Variants in LTBP4 observed in about 807,000 individuals in gnomAD.
LTBP4 encodes the protein latent-transforming growth factor beta-binding protein 4.
LTBP4 carries 93 observed loss-of-function variants against 180.2 expected under a neutral mutation model. That is an observed-to-expected ratio of 0.52 (90% CI 0.44 to 0.61). The LOEUF is 0.61. Among genes scored for constraint, LTBP4 ranks in the 20% least tolerant of loss-of-function variants. The pLI, the probability that LTBP4 is intolerant of heterozygous loss-of-function variation, is 0.00. For missense variants in LTBP4, 2,116 were observed against 2,256.5 expected, an observed-to-expected ratio of 0.94 and a Z score of 1.26; for synonymous variants, 947 against 934.5, an observed-to-expected ratio of 1.01 and a Z score of -0.24.
Position 40,609,565 on chromosome 19 carries a change from G to A in LTBP4, c.1462G>A (p.Val488Ile). 2 of 1,613,464 alleles carry A rather than the reference G, an allele frequency of 1.2e-6. No individual in the cohort carries two copies. Among genetic ancestry groups the A allele is most frequent in the Non-Finnish European group, 1.7e-6 (2 of 1,179,830 alleles). ...SSGMCQRNPQ[V>I]CGPGRCISRP... ...CGGCATGTGTCAGCGCAACCCCCAGGTCTGCGGCCCAGGACGCTGCATTTC... is the reference window on the plus strand; with the variant it reads ...CGGCATGTGTCAGCGCAACCCCCAGATCTGCGGCCCAGGACGCTGCATTTC... Residue 488 changes from valine (V) to isoleucine (I), a missense_variant, in exon 10 of 30, where the codon GTC (valine) becomes ATC (isoleucine). Around this residue, in one of 5 missense-constraint regions of LTBP4, gnomAD observed 877 missense variants for 873.6 expected, o/e 1.00. Coordinates refer to ENST00000396819, the MANE Select transcript of LTBP4 (RefSeq NM_001042545.2). The surrounding 1 kb of genome is among the most constrained non-coding windows in gnomAD (Gnocchi z 4.9).
intron 26 of LTBP4, among the ~76,000 whole-genome samples, chr19:40,625,162 C>T: frequency 6.8e-6 from 1 of 147,518 alleles, no homozygotes; most frequent in East Asian, 2.0e-4. Context: ...CTGCAGCTTC[C>T]ACCTCTCATG....
In LTBP4 at chr19:40,609,735, C is replaced by A; in HGVS notation, c.1559-11C>A. The stretch of plus-strand genomic sequence containing the variant: ...TGGTCACCTTGTCACCAGCCCCCTC[C>A]GTGTCCTCAGATGTGGACGAATGTC... On this transcript the variant is annotated splice_polypyrimidine_tract_variant and intron_variant, in intron 10 of 29. Transcript: ENST00000396819. This position sits in a 1 kb window ranked among gnomAD's most constrained non-coding sequence, Gnocchi z 4.9. 1.2e-6 allele frequency: 2 copies of A among 1,611,526 alleles called. No individual in the cohort carries two copies. The highest frequency in any genetic ancestry group is 1.7e-6 in the Non-Finnish European group (2 of 1,178,362).
intron 22 of LTBP4, among the ~76,000 whole-genome samples, chr19:40,620,263 C>A (rs544060004): frequency 2.1e-5 from 3 of 141,654 alleles, no homozygotes; most frequent in Non-Finnish European, 4.6e-5. Flanking sequence ...TTTTTTAAGA[C>A]AGGGTCGTAC....
intron 21 of LTBP4, among the ~76,000 whole-genome samples, chr19:40,618,223 A>ACGCC (rs1304020004): frequency 6.7e-6 from 1 of 149,620 alleles, no homozygotes; most frequent in Non-Finnish European, 1.5e-5. Context: ...ACACGCAACC[A>ACGCC]CGCCCAGCTA....
rs2081523137 is a variant in LTBP4 at position 40,613,470 on chromosome 19, C to T, written c.2498C>T (p.Ser833Phe). 1 of 1,595,944 alleles carries T rather than the reference C, an allele frequency of 6.3e-7. No homozygotes were observed. The highest frequency in any genetic ancestry group is 8.5e-7 in the Non-Finnish European group (1 of 1,171,860). The change falls in exon 17 of 30, where the codon TCC becomes TTC. Residue 833 changes from serine to phenylalanine, a missense_variant. Around this residue, in one of 5 missense-constraint regions of LTBP4, gnomAD observed 877 missense variants for 873.6 expected, o/e 1.00. Coordinates refer to ENST00000396819, the MANE Select transcript of LTBP4 (RefSeq NM_001042545.2). This position sits in a 1 kb window ranked among gnomAD's most constrained non-coding sequence, Gnocchi z 5.0. ...GGCGAGTGCCTCAACACTGACGGCTCCTTTGCCTGTACTTGTGCCCCTGGC... is the reference window on the plus strand; with the variant it reads ...GGCGAGTGCCTCAACACTGACGGCTTCTTTGCCTGTACTTGTGCCCCTGGC... ...PHGECLNTDG[S>F]FACTCAPGYR...
In LTBP4 at chr19:40,614,398, C is replaced by T. The variant is rs1441031158; in HGVS notation, c.2764C>T (p.Arg922Trp). The change falls in exon 19 of 30, where the codon CGG becomes TGG. Residue 922 changes from arginine to tryptophan, a missense_variant. Arg to Trp is a moderately radical substitution (Grantham distance 101). This residue lies in a region of LTBP4 where 877 missense variants were observed against 873.6 expected (regional missense o/e 1.00). Transcript: ENST00000396819. ...CTCTCCCGGCTCCTACCGCTGTGTC[C>T]GGGACTGCGATCCTGGGTACCACGC... ...ENSPGSYRCV[R>W]DCDPGYHAGP... 1 of 1,600,154 alleles carries T rather than the reference C, an allele frequency of 6.2e-7. No individual in the cohort carries two copies. The highest frequency in any genetic ancestry group is 8.5e-7 in the Non-Finnish European group (1 of 1,179,790).
rs544657147 is a variant in LTBP4, at chr19:40,604,439, A to T, written c.251-596A>T. Among the ~76,000 whole-genome samples the T allele has an allele frequency of 1.2e-4, 18 of 152,278 alleles. No individual in the cohort carries two copies. In the South Asian group the frequency reaches 3.7e-3, roughly 32 times the overall value. On this transcript the variant is annotated intron_variant, in intron 1 of 29. Coordinates refer to ENST00000396819, the MANE Select transcript of LTBP4 (RefSeq NM_001042545.2). The stretch of plus-strand genomic sequence containing the variant: ...AGCATTGGGTCGGAGGGGCTGGAAC[A>T]GCAAAGGGTTCCGTCGGACTACGGA...
At position 40,627,297 on chromosome 19, in the gene LTBP4, G is replaced by A. The variant is rs769213415; in HGVS notation, c.4308G>A (p.Arg1436=). Residue 1436 remains arginine, a synonymous_variant, in exon 28 of 30, where the codon CGG becomes CGA. Coordinates refer to ENST00000396819, the MANE Select transcript of LTBP4 (RefSeq NM_001042545.2). The part of the protein sequence containing the change: ...GPGTRWPYRS[R]DTRRSFPEPE... ...GCACCCGCTGGCCCTATCGGTCCCGGGACACCCGCCGCTCCTTCCCAGAGC... is the reference window on the plus strand; with the variant it reads ...GCACCCGCTGGCCCTATCGGTCCCGAGACACCCGCCGCTCCTTCCCAGAGC... 6.7e-6 allele frequency: 10 copies of A among 1,498,084 alleles called. No homozygotes were observed. In the South Asian group the frequency reaches 1.3e-4, roughly 20 times the overall value. The allele number at this position is 1,498,084 out of a possible 1,614,324, so 92.8% of individuals were successfully genotyped here. A position where few individuals can be genotyped will look rare whatever the true frequency, so the allele number is the denominator to read the frequency against.
chr19:40,620,566 A>C (rs570333294), intron 22 of LTBP4, among the ~76,000 whole-genome samples: 17 of 152,146 alleles, frequency 1.1e-4, no homozygotes, highest in African/African-American at 4.1e-4. Context: ...ACCTGAGGTC[A>C]GGAGTTCGAG....
Position 40,605,322 on chromosome 19 carries a change from C to G in LTBP4, c.443-83C>G. 1.9e-6 allele frequency: 3 copies of G among 1,581,336 alleles called. No individual in the cohort carries two copies. The highest frequency in any genetic ancestry group is 2.6e-6 in the Non-Finnish European group (3 of 1,162,330). ...TTCCCGCCTTCCCGAGCACCTTTGC[C>G]CAGCTCGCCCTCCCCGCCTTGTCTA... On this transcript the variant is annotated intron_variant, in intron 2 of 29. Coordinates refer to ENST00000396819, the MANE Select transcript of LTBP4 (RefSeq NM_001042545.2). The surrounding 1 kb of genome is among the most constrained non-coding windows in gnomAD (Gnocchi z 5.5).
At position 40,611,127 on chromosome 19, in the gene LTBP4, AC is replaced by A; in HGVS notation, c.1811-21del. ...TCAGGGAGGCAGAGGGGAACAAGTG[AC>A]CCCGGGCCCCCTGCCCTGTGCAGAT... On this transcript the variant is annotated intron_variant, in intron 12 of 29. Coordinates refer to ENST00000396819, the MANE Select transcript of LTBP4 (RefSeq NM_001042545.2). This position sits in a 1 kb window ranked among gnomAD's most constrained non-coding sequence, Gnocchi z 4.4. The A allele has an allele frequency of 6.2e-7, 1 of 1,609,150 alleles. No homozygotes were observed. The highest frequency in any genetic ancestry group is 2.2e-5 in the East Asian group (1 of 44,736).
chr19:40,623,815 C>T (rs2081604677), intron 25 of LTBP4, 83 bp downstream of exon 25: 1 of 1,598,732 alleles, frequency 6.3e-7, no homozygotes, highest in Non-Finnish European at 8.6e-7. Flanking sequence ...GTGGCCACCA[C>T]CAGCGGGAAG....
intron 18 of LTBP4, 132 bp downstream of exon 18, chr19:40,614,170 C>T: frequency 6.9e-7 from 1 of 1,439,798 alleles, no homozygotes; most frequent in South Asian, 1.3e-5. Context: ...CTCTCCTAGC[C>T]TCCCCAACTC....
intron 22 of LTBP4, among the ~76,000 whole-genome samples, 152 bp downstream of exon 22, chr19:40,619,645 CTG>C (rs2081572950): frequency 1.3e-5 from 2 of 152,332 alleles, no homozygotes; most frequent in Admixed American, 1.3e-4. Flanking sequence ...GGTAGTGAGA[CTG>C]TGTCAGGAGA....
Position 40,613,163 on chromosome 19 carries a change from C to G in LTBP4, c.2398C>G (p.Arg800Gly). Residue 800 changes from arginine to glycine, a missense_variant, in exon 16 of 30, where the codon CGG (arginine) becomes GGG (glycine). Arg to Gly is a moderately radical substitution (Grantham distance 125). Around this residue, in one of 5 missense-constraint regions of LTBP4, gnomAD observed 877 missense variants for 873.6 expected, o/e 1.00. Coordinates refer to ENST00000396819, the MANE Select transcript of LTBP4 (RefSeq NM_001042545.2). The surrounding 1 kb of genome is among the most constrained non-coding windows in gnomAD (Gnocchi z 5.0). ...CCGCTGCAGCTGCGCGCCAGGCTAC[C>G]GGGCGCCGTCGGGTCGGCCCGGGCC... is the stretch of plus-strand genomic sequence containing the variant. ...SFRCSCAPGY[R>G]APSGRPGPCA... is the part of the protein sequence containing the mutation. 6.3e-7 allele frequency: 1 copy of G among 1,579,560 alleles called. No homozygotes were observed. Among genetic ancestry groups the G allele is most frequent in the Non-Finnish European group, 8.6e-7 (1 of 1,163,168 alleles).
Position 40,605,323 on chromosome 19 carries a change from C to A in LTBP4, c.443-82C>A. The stretch of plus-strand genomic sequence containing the variant: ...TCCCGCCTTCCCGAGCACCTTTGCC[C>A]AGCTCGCCCTCCCCGCCTTGTCTAG... On this transcript the variant is annotated intron_variant, in intron 2 of 29. Coordinates refer to ENST00000396819, the MANE Select transcript of LTBP4 (RefSeq NM_001042545.2). This position sits in a 1 kb window ranked among gnomAD's most constrained non-coding sequence, Gnocchi z 5.5. The A allele has an allele frequency of 6.3e-7, 1 of 1,582,028 alleles. No individual in the cohort carries two copies. Among genetic ancestry groups the A allele is most frequent in the Non-Finnish European group, 8.6e-7 (1 of 1,162,682 alleles).
At position 40,627,262 on chromosome 19, in the gene LTBP4, C is replaced by G. The variant is rs1325157832; in HGVS notation, c.4273C>G (p.Pro1425Ala). ...PYGESEAPAPPGPGTRWPYRS... is the reference protein window; with the variant it reads ...PYGESEAPAPAGPGTRWPYRS... ...TGGCGAATCTGAGGCTCCTGCGCCA[C>G]CTGGCCCGGGCACCCGCTGGCCCTA... The change falls in exon 28 of 30, where the codon CCT becomes GCT. Residue 1425 changes from proline to alanine, a missense_variant. Physicochemically the swap from Pro to Ala is conservative, Grantham distance 27 (BLOSUM62 -1). Transcript: ENST00000396819. 6.4e-7 allele frequency: 1 copy of G among 1,572,368 alleles called. No individual in the cohort carries two copies. Among genetic ancestry groups the G allele is most frequent in the African/African-American group, 1.3e-5 (1 of 74,184 alleles).
intron 22 of LTBP4, 147 bp downstream of exon 22, chr19:40,619,640 T>A: frequency 1.1e-6 from 1 of 909,798 alleles, no homozygotes; most frequent in Non-Finnish European, 1.6e-6. Flanking sequence ...ACATGGGTAG[T>A]GAGACTGTGT....
intron 27 of LTBP4, 129 bp from the exon 28 acceptor site, chr19:40,626,846 T>A: frequency 8.4e-7 from 1 of 1,189,344 alleles, no homozygotes; most frequent in Non-Finnish European, 1.1e-6. Flanking sequence ...CAGCGCTGGC[T>A]CCAGAAACCC....
Sources: allele counts gnomAD v4.1 joint callset (sites outside exome capture counted in the v4.1 genomes callset), GRCh38; gene constraint gnomAD v4.1.1; regional missense constraint gnomAD v4.1.1; non-coding constraint Gnocchi (gnomAD v3.1); transcripts MANE v1.5; gene names NCBI Gene and HGNC (gene_info 2026-07-23, HGNC 2026-07-21).